ITPRID1: variants seen among roughly 807,000 people sequenced by gnomAD.
ITPRID1 encodes the protein ITPR interacting domain containing 1.
A neutral mutation model predicts 95.4 loss-of-function variants in ITPRID1; 96 were observed. The observed-to-expected ratio is 1.01, with a 90% CI of 0.85 to 1.19. ITPRID1 has a LOEUF of 1.19. Ranked by LOEUF, ITPRID1 falls within the 50% of genes most tolerant of loss-of-function variation. The pLI is 0.00. For missense variants in ITPRID1, 1,339 were observed against 1,252.9 expected (o/e 1.07, Z -1.04); for synonymous variants, 510 against 453.6 (o/e 1.12, Z -1.58).
chr7:31,547,345 C>G (rs1367474903), intron 1 of ITPRID1, among the ~76,000 whole-genome samples: 1 of 152,176 alleles, frequency 6.6e-6, no homozygotes, highest in Non-Finnish European at 1.5e-5. Flanking sequence ...GTTTAATTGA[C>G]TCACAGTTCC....
rs1785113176 is a variant in ITPRID1 at position 31,574,657 on chromosome 7, T to C, written c.513T>C (p.Cys171=). Residue 171 remains cysteine, a synonymous_variant, in exon 8 of 15, where the codon TGT becomes TGC. Coordinates refer to ENST00000615280, the MANE Select transcript of ITPRID1 (RefSeq NM_001257967.3). ...AAATCCCAGCCAGATTCCTTGGTTG[T>C]GGCTCAGCAGCCAGAGGAATCAACA... ...CMQIPARFLG[C]GSAARGINIR... The C allele has an allele frequency of 1.2e-6, 2 of 1,613,924 alleles. No homozygotes were observed. Among genetic ancestry groups the C allele is most frequent in the Non-Finnish European group, 1.7e-6 (2 of 1,179,852 alleles).
At chr7:31,567,575 G>A (rs1178554918) in intron 5 of ITPRID1, among the ~76,000 whole-genome samples, 4 of 137,670 alleles carry the variant, frequency 2.9e-5, no homozygotes, top group Admixed American at 1.6e-4. Context: ...TTCTCACCCC[G>A]CCTGACTCTT....
chr7:31,622,492 T>G (rs1357043683), intron 10 of ITPRID1, among the ~76,000 whole-genome samples: 10 of 149,694 alleles, frequency 6.7e-5, no homozygotes, highest in African/African-American at 2.2e-4. Context: ...CTGAACAACC[T>G]ACTCCTGAAT....
At chr7:31,621,767 A>AGTC (rs1562620449) in intron 10 of ITPRID1, among the ~76,000 whole-genome samples, 1 of 148,476 alleles carries the variant, frequency 6.7e-6, no homozygotes, top group African/African-American at 2.5e-5. Context: ...TATTAACTTT[A>AGTC]AATGTAAATG....
intron 1 of ITPRID1, among the ~76,000 whole-genome samples, chr7:31,547,736 A>G (rs896807951): frequency 3.9e-5 from 6 of 152,272 alleles, no homozygotes; most frequent in Middle Eastern, 3.4e-3. Context: ...CTGCCTGAAT[A>G]GTGGCCCTGT....
intron 1 of ITPRID1, among the ~76,000 whole-genome samples, chr7:31,534,812 C>G (rs1783708754): frequency 6.6e-6 from 1 of 151,662 alleles, no homozygotes; most frequent in Non-Finnish European, 1.5e-5. Context: ...TTCTATTTGT[C>G]CATCTATTGT....
At chr7:31,571,450 T>C (rs985597687) in intron 6 of ITPRID1, among the ~76,000 whole-genome samples, 2 of 152,236 alleles carry the variant, frequency 1.3e-5, no homozygotes, top group African/African-American at 4.8e-5. Flanking sequence ...CAACTGGCTA[T>C]TATATTTGAT....
At chr7:31,527,945 T>A (rs1783475530) in intron 1 of ITPRID1, among the ~76,000 whole-genome samples, 1 of 152,204 alleles carries the variant, frequency 6.6e-6, no homozygotes, top group African/African-American at 2.4e-5. Flanking sequence ...ATTACAGTGC[T>A]TTGGTTATGA....
At chr7:31,641,710 T>C (rs979664186) in intron 10 of ITPRID1, among the ~76,000 whole-genome samples, 1 of 152,178 alleles carries the variant, frequency 6.6e-6, no homozygotes, top group Non-Finnish European at 1.5e-5. Flanking sequence ...CACAAACTTG[T>C]AGTCATAGAA....
At chr7:31,605,901 A>G (rs1786601083) in intron 10 of ITPRID1, among the ~76,000 whole-genome samples, 1 of 151,966 alleles carries the variant, frequency 6.6e-6, no homozygotes, top group African/African-American at 2.4e-5. Flanking sequence ...GCCCATACAG[A>G]CCTCAATGAT....
intron 12 of ITPRID1, among the ~76,000 whole-genome samples, chr7:31,648,344 A>C (rs1790665314): frequency 6.6e-6 from 1 of 152,196 alleles, no homozygotes; most frequent in East Asian, 1.9e-4. Flanking sequence ...GAAGAAGAAG[A>C]AAAAGAAGAA....
intron 10 of ITPRID1, among the ~76,000 whole-genome samples, chr7:31,636,645 C>T (rs555826128): frequency 6.6e-6 from 1 of 151,928 alleles, no homozygotes; most frequent in African/African-American, 2.4e-5. Flanking sequence ...CTCACGCTCT[C>T]CTATCCCATA....
intron 9 of ITPRID1, among the ~76,000 whole-genome samples, chr7:31,581,968 G>A (rs766297909): frequency 6.6e-6 from 1 of 152,164 alleles, no homozygotes; most frequent in East Asian, 1.9e-4. Context: ...TTCTTGTTAT[G>A]GTTGAGCTAT....
chr7:31,530,085 A>G (rs1454565910), intron 1 of ITPRID1, among the ~76,000 whole-genome samples: 1 of 152,172 alleles, frequency 6.6e-6, no homozygotes. Flanking sequence ...GCTGCCATTA[A>G]CATGGAAAGG....
rs1562599189 is a variant in ITPRID1, at chr7:31,599,694, T to TCTCTCTCTCTCTC, written c.1228+16503_1228+16504insCTCTCTCTCTCTC. ...TCTCTCTCTCTCTCTCTCTCTCTCT[T>TCTCTCTCTCTCTC]TCTTTCTTTCTTTCTTTCTCTTTTT... On this transcript the variant is annotated intron_variant, in intron 10 of 14. Transcript: ENST00000615280. 7.3e-5 allele frequency among the ~76,000 whole-genome samples: 7 copies of TCTCTCTCTCTCTC among 95,886 alleles called. 1 individual carries two copies. Among genetic ancestry groups the TCTCTCTCTCTCTC allele is most frequent in the African/African-American group, 1.3e-4 (3 of 22,474 alleles). 62.9% of individuals were successfully genotyped at this position (95,886 alleles called of 152,430 possible).
chr7:31,599,694 T>TCTCTCTCTC lies in ITPRID1; in HGVS notation c.1228+16503_1228+16504insCTCTCTCTC, dbSNP rs1562599189. Reference sequence around the variant, plus strand: ...TCTCTCTCTCTCTCTCTCTCTCTCTTTCTTTCTTTCTTTCTTTCTCTTTTT... The same window carrying TCTCTCTCTC: ...TCTCTCTCTCTCTCTCTCTCTCTCTTCTCTCTCTCTCTTTCTTTCTTTCTTTCTCTTTTT... On this transcript the variant is annotated intron_variant, in intron 10 of 14. Transcript: ENST00000615280. Among the ~76,000 whole-genome samples, 63 of 95,950 alleles carry TCTCTCTCTC rather than the reference T, an allele frequency of 6.6e-4. 3 individuals are homozygous for TCTCTCTCTC. The highest frequency in any genetic ancestry group is 2.6e-3 in the African/African-American group (58 of 22,534). The allele number at this position is 95,950 out of a possible 152,430, so 62.9% of individuals were successfully genotyped here. A position where few individuals can be genotyped will look rare whatever the true frequency, so the allele number is the denominator to read the frequency against.
intron 5 of ITPRID1, among the ~76,000 whole-genome samples, chr7:31,567,814 G>A (rs1186920260): frequency 6.6e-6 from 1 of 152,124 alleles, no homozygotes; most frequent in African/African-American, 2.4e-5. Context: ...TTGTAGTCCT[G>A]TATTCTGAGC....
intron 10 of ITPRID1, among the ~76,000 whole-genome samples, chr7:31,640,388 TTCTC>T (rs1174385965): frequency 1.3e-5 from 2 of 152,070 alleles, no homozygotes; most frequent in South Asian, 2.1e-4. Flanking sequence ...CCCTCTAGAG[TTCTC>T]TCTGTGTGCA....
chr7:31,652,630 T>C lies in ITPRID1; in HGVS notation c.2936T>C (p.Met979Thr), dbSNP rs142389938. The change falls in exon 15 of 15, where the codon ATG becomes ACG. Residue 979 changes from methionine (M) to threonine (T), a missense_variant. By Grantham distance (81) the Met-to-Thr change is moderately conservative. Coordinates refer to ENST00000615280, the MANE Select transcript of ITPRID1 (RefSeq NM_001257967.3). ...TCATGTTCTAAAATCCACCCAGGCA[T>C]GGCCCCGAGGACTGTGTTTCCTCCC... ...QTSCSKIHPGMAPRTVFPPDD... is the reference protein window; with the variant it reads ...QTSCSKIHPGTAPRTVFPPDD... 524 of 1,613,816 alleles carry C rather than the reference T, an allele frequency of 3.2e-4. 3 individuals are homozygous for C. In the African/African-American group the frequency reaches 6.0e-3, roughly 19 times the overall value.
Sources: allele counts gnomAD v4.1 joint callset (sites outside exome capture counted in the v4.1 genomes callset), GRCh38; gene constraint gnomAD v4.1.1; transcripts MANE v1.5; gene names NCBI Gene and HGNC (gene_info 2026-07-23, HGNC 2026-07-21).